TEX2: variants seen among roughly 807,000 people sequenced by gnomAD.
The protein encoded by TEX2 is testis expressed 2.
In TEX2, 53 loss-of-function variants were observed where a neutral mutation model predicts 106.9. The ratio of observed to expected loss-of-function variants is 0.50; its 90% confidence interval spans 0.40 to 0.62. TEX2 has a LOEUF of 0.62. Among genes scored for constraint, TEX2 ranks in the 20% least tolerant of loss-of-function variants. TEX2 has a pLI of 0.00. For missense variants in TEX2, 1,207 were observed against 1,379.0 expected (o/e 0.88, Z 1.98); for synonymous variants, 523 against 534.8 (o/e 0.98, Z 0.30).
chr17:64,193,431 T>G, intron 4 of TEX2, 128 bp downstream of exon 4: 1 of 706,790 alleles, frequency 1.4e-6, no homozygotes, highest in Non-Finnish European at 2.2e-6. Flanking sequence ...AGAATGCACA[T>G]TAGGTGGCAG....
chr17:64,245,499 C>G (rs2033969494), intron 1 of TEX2, among the ~76,000 whole-genome samples: 1 of 152,148 alleles, frequency 6.6e-6, no homozygotes, highest in Admixed American at 6.5e-5. Context: ...TATGTGAACG[C>G]TCATCTAGAG....
At chr17:64,239,859 G>A (rs1206170843) in intron 1 of TEX2, among the ~76,000 whole-genome samples, 1 of 103,302 alleles carries the variant, frequency 9.7e-6, no homozygotes, top group African/African-American at 3.9e-5. Context: ...CTGGACAACA[G>A]AGTGAGACTC....
chr17:64,250,580 C>A (rs1345507364), intron 1 of TEX2, among the ~76,000 whole-genome samples: 1 of 152,218 alleles, frequency 6.6e-6, no homozygotes, highest in Admixed American at 6.5e-5. Flanking sequence ...GTCTACTACA[C>A]CTGCCGGAGG....
At chr17:64,181,822 G>GTA (rs2031878642) in intron 5 of TEX2, among the ~76,000 whole-genome samples, 1 of 69,016 alleles carries the variant, frequency 1.4e-5, no homozygotes, top group African/African-American at 6.4e-5. Context: ...GGCTGGTTTT[G>GTA]TATTTTTTTT....
At chr17:64,231,238 T>C (rs1411411990) in intron 1 of TEX2, among the ~76,000 whole-genome samples, 1 of 152,150 alleles carries the variant, frequency 6.6e-6, no homozygotes, top group African/African-American at 2.4e-5. Flanking sequence ...TGTGATGGGG[T>C]TGAACTTCAT....
intron 1 of TEX2, among the ~76,000 whole-genome samples, chr17:64,261,552 G>C (rs1361393870): frequency 6.6e-6 from 1 of 151,992 alleles, no homozygotes; most frequent in African/African-American, 2.4e-5. Flanking sequence ...CCAGCCCCTC[G>C]GTTGCTTGTC....
rs1192260501 is a variant in TEX2 at position 64,193,714 on chromosome 17, G to C, written c.2021C>G (p.Pro674Arg). Residue 674 changes from proline to arginine, a missense_variant, in exon 4 of 12, where the codon CCT (proline) becomes CGT (arginine). Transcript: ENST00000584379. ...GSEDPKKPPR[P>R]QEGTRSSQRD... ...CTGGCTAGATCTTGTTCCCTCCTGA[G>C]GGCGGGGTGGCTTCTTAGGGTCCTC... 1 of 1,613,234 alleles carries C rather than the reference G, an allele frequency of 6.2e-7. No individual in the cohort carries two copies.
chr17:64,175,848 C>CAGGGAAGGGCCCCTCTTGCTT (rs1366390948), intron 6 of TEX2, among the ~76,000 whole-genome samples: 1 of 152,214 alleles, frequency 6.6e-6, no homozygotes. Flanking sequence ...CCCTGCTGCT[C>CAGGGAAGGGCCCCTCTTGCTT]AGGGAAGGGC....
In TEX2 at chr17:64,152,940, C is replaced by T. The variant is rs903392319; in HGVS notation, c.3140+5G>A. The T allele has an allele frequency of 2.5e-6, 4 of 1,613,480 alleles. No homozygotes were observed. Among genetic ancestry groups the T allele is most frequent in the Non-Finnish European group, 3.4e-6 (4 of 1,179,776 alleles). ...ACTTATTGTCCCTGAGGGCCCTCTA[C>T]GCACCATACTCGGTCAGTCGGGGGT... On this transcript the variant is annotated splice_donor_5th_base_variant and intron_variant, in intron 10 of 11. Coordinates refer to ENST00000584379, the MANE Select transcript of TEX2 (RefSeq NM_001288732.2).
intron 1 of TEX2, among the ~76,000 whole-genome samples, chr17:64,247,462 G>A (rs759080304): frequency 6.6e-6 from 1 of 152,140 alleles, no homozygotes; most frequent in African/African-American, 2.4e-5. Flanking sequence ...CTAGGATGAC[G>A]TGTATCTCCA....
chr17:64,231,266 T>C (rs1327836828), intron 1 of TEX2, among the ~76,000 whole-genome samples: 1 of 152,228 alleles, frequency 6.6e-6, no homozygotes, highest in African/African-American at 2.4e-5. Context: ...TCTATCCCAG[T>C]GCTTCATTAG....
chr17:64,256,846 A>G (rs797024641), intron 1 of TEX2, among the ~76,000 whole-genome samples: 57 of 152,336 alleles, frequency 3.7e-4, no homozygotes, highest in African/African-American at 1.3e-3. Flanking sequence ...TTTTGAGCCT[A>G]AAATAATAAA....
At chr17:64,186,345 T>C (rs1294928689) in intron 5 of TEX2, among the ~76,000 whole-genome samples, 3 of 152,112 alleles carry the variant, frequency 2.0e-5, no homozygotes, top group Non-Finnish European at 4.4e-5. Flanking sequence ...CCACTAAAGC[T>C]GGGGTGACTC....
chr17:64,187,698 C>T (rs141414298), intron 5 of TEX2, among the ~76,000 whole-genome samples: 5 of 152,236 alleles, frequency 3.3e-5, no homozygotes, highest in African/African-American at 4.8e-5. Context: ...TGCTGTTCCT[C>T]GAATATTCCA....
intron 1 of TEX2, among the ~76,000 whole-genome samples, chr17:64,228,439 A>G (rs1199082767): frequency 1.3e-5 from 2 of 152,202 alleles, no homozygotes; most frequent in African/African-American, 4.8e-5. Flanking sequence ...GCAACTAGAC[A>G]GTCCTATCTG....
rs2030194162 is a variant in TEX2, at chr17:64,148,866, CAGT to C, written c.*100_*102del. The C allele has an allele frequency of 2.1e-6, 3 of 1,448,102 alleles. No individual in the cohort carries two copies. Among genetic ancestry groups the C allele is most frequent in the Admixed American group, 2.0e-5 (1 of 50,170 alleles). The allele number at this position is 1,448,102 out of a possible 1,614,324, so 89.7% of individuals were successfully genotyped here. On this transcript the variant is annotated 3_prime_UTR_variant, in exon 12 of 12. Coordinates refer to ENST00000584379, the MANE Select transcript of TEX2 (RefSeq NM_001288732.2). ...AGGGCAGAAGCAGTCCTTTAAGAAA[CAGT>C]AGCTGTGGCACAGAGGCCAGTGCTA...
chr17:64,163,579 G>A (rs934146486), intron 7 of TEX2, among the ~76,000 whole-genome samples: 1 of 152,220 alleles, frequency 6.6e-6, no homozygotes, highest in Non-Finnish European at 1.5e-5. Context: ...ATTTGCTTTT[G>A]TAACAATGAT....
rs1555632076 is a variant in TEX2, at chr17:64,213,532, T to A, written c.686A>T (p.Glu229Val). Residue 229 changes from glutamate to valine, a missense_variant, in exon 2 of 12, where the codon GAG becomes GTG. Glu to Val is a moderately radical substitution (Grantham distance 121). Transcript: ENST00000584379. This position sits in a 1 kb window ranked among gnomAD's most constrained non-coding sequence, Gnocchi z 4.4. ...TGGCTTATAGGACACTGTATCCGACTCCTGCCGGGAAGTGTCCGTGGACAG... is the reference window on the plus strand; with the variant it reads ...TGGCTTATAGGACACTGTATCCGACACCTGCCGGGAAGTGTCCGTGGACAG... ...KSLSTDTSRQ[E>V]SDTVSYKPPD... The A allele has an allele frequency of 6.2e-7, 1 of 1,614,106 alleles. No homozygotes were observed. Among genetic ancestry groups the A allele is most frequent in the Non-Finnish European group, 8.5e-7 (1 of 1,179,990 alleles).
intron 7 of TEX2, among the ~76,000 whole-genome samples, chr17:64,166,653 T>C (rs1462414795): frequency 1.3e-5 from 2 of 152,238 alleles, no homozygotes; most frequent in African/African-American, 4.8e-5. Flanking sequence ...GGAGAGCATA[T>C]ACCAAAAATG....
Sources: allele counts gnomAD v4.1 joint callset (sites outside exome capture counted in the v4.1 genomes callset), GRCh38; gene constraint gnomAD v4.1.1; non-coding constraint Gnocchi (gnomAD v3.1); transcripts MANE v1.5; gene names NCBI Gene and HGNC (gene_info 2026-07-23, HGNC 2026-07-21).